ROBO2: variants seen among roughly 807,000 people sequenced by gnomAD.
ROBO2 encodes the protein roundabout homolog 2.
A neutral mutation model predicts 160.8 loss-of-function variants in ROBO2; 53 were observed. The ratio of observed to expected loss-of-function variants is 0.33; its 90% CI spans 0.26 to 0.41. The LOEUF (loss-of-function observed/expected upper bound fraction) is 0.41. Ranked by LOEUF, ROBO2 falls within the 10% of genes least tolerant of loss-of-function variation. The pLI is 1.00. For missense variants in ROBO2, 1,577 were observed against 1,722.4 expected (o/e 0.92, Z 1.49); for synonymous variants, 664 against 611.7 (o/e 1.09, Z -1.26).
intron 2 of ROBO2, among the ~76,000 whole-genome samples, chr3:76,809,822 A>G (rs1301067280): frequency 1.3e-5 from 2 of 152,154 alleles, no homozygotes; most frequent in East Asian, 3.9e-4. Flanking sequence ...CATTTTAAAC[A>G]GGAGAAATTT....
intron 2 of ROBO2, among the ~76,000 whole-genome samples, chr3:77,400,292 G>A (rs1322295997): frequency 6.6e-6 from 1 of 152,120 alleles, no homozygotes; most frequent in African/African-American, 2.4e-5. Context: ...CAGACAAACA[G>A]AGCTATTAAA....
At chr3:77,095,898 T>C (rs539868748) in intron 1 of ROBO2, among the ~76,000 whole-genome samples, 28 of 152,158 alleles carry the variant, frequency 1.8e-4, no homozygotes, top group Non-Finnish European at 3.5e-4. Flanking sequence ...CCTATCTAGA[T>C]GCTTTGGATC....
chr3:76,289,147 A>T (rs1708678189), intron 2 of ROBO2, among the ~76,000 whole-genome samples: 1 of 152,088 alleles, frequency 6.6e-6, no homozygotes, highest in Non-Finnish European at 1.5e-5. Context: ...CCACAACCTC[A>T]CCAGCATCTG....
At chr3:76,118,458 T>C (rs567890582) in intron 2 of ROBO2, among the ~76,000 whole-genome samples, 131 of 152,312 alleles carry the variant, frequency 8.6e-4, no homozygotes, top group African/African-American at 3.1e-3. Context: ...TAAGGTCATG[T>C]ACTGTTTCTC....
intron 2 of ROBO2, among the ~76,000 whole-genome samples, chr3:76,007,088 A>G (rs887721318): frequency 7.2e-5 from 11 of 152,130 alleles, no homozygotes; most frequent in Non-Finnish European, 1.5e-4. Context: ...TACATGAAGT[A>G]TGTCAAATGA....
At chr3:77,272,985 G>A (rs932559245) in intron 2 of ROBO2, among the ~76,000 whole-genome samples, 7 of 151,928 alleles carry the variant, frequency 4.6e-5, no homozygotes, top group African/African-American at 1.7e-4. Flanking sequence ...TTTAGATTTA[G>A]GGGCACACAT....
chr3:76,433,080 T>G (rs568008696), intron 2 of ROBO2, among the ~76,000 whole-genome samples: 1 of 152,306 alleles, frequency 6.6e-6, no homozygotes, highest in African/African-American at 2.4e-5. Flanking sequence ...TTTCCATAAT[T>G]AGTAAAATAG....
chr3:77,348,762 C>T (rs538422220), intron 2 of ROBO2, among the ~76,000 whole-genome samples: 3 of 152,256 alleles, frequency 2.0e-5, no homozygotes, highest in South Asian at 4.1e-4. Flanking sequence ...CCTAATCCTG[C>T]CCTTGCCTTC....
At chr3:77,308,092 TTC>T (rs1402197844) in intron 2 of ROBO2, among the ~76,000 whole-genome samples, 2 of 150,104 alleles carry the variant, frequency 1.3e-5, no homozygotes, top group Non-Finnish European at 2.9e-5. Flanking sequence ...AAGGAGATAT[TTC>T]TTTTTTTTTT....
At chr3:76,125,308 A>G (rs2070927999) in intron 2 of ROBO2, among the ~76,000 whole-genome samples, 1 of 152,172 alleles carries the variant, frequency 6.6e-6, no homozygotes, top group Non-Finnish European at 1.5e-5. Context: ...CAGTGAACAC[A>G]TGAGCACATG....
intron 2 of ROBO2, among the ~76,000 whole-genome samples, chr3:77,332,033 T>C (rs1029370265): frequency 3.9e-5 from 6 of 152,108 alleles, no homozygotes; most frequent in Admixed American, 1.3e-4. Flanking sequence ...AGGTTAGATA[T>C]GGTAGTGTTA....
At chr3:77,544,159 G>GA (rs749883359) in intron 6 of ROBO2, among the ~76,000 whole-genome samples, 109 of 140,128 alleles carry the variant, frequency 7.8e-4, no homozygotes, top group African/African-American at 2.8e-3. Context: ...CATTTCTATT[G>GA]AAAAAATGGT....
chr3:76,468,415 T>C (rs2078472520), intron 2 of ROBO2, among the ~76,000 whole-genome samples: 1 of 152,074 alleles, frequency 6.6e-6, no homozygotes, highest in South Asian at 2.1e-4. Flanking sequence ...CACTCTCCAA[T>C]ATTGGAAACG....
intron 2 of ROBO2, among the ~76,000 whole-genome samples, chr3:77,107,054 C>T (rs2072900239): frequency 6.6e-6 from 1 of 152,180 alleles, no homozygotes; most frequent in Non-Finnish European, 1.5e-5. Context: ...ATTTATTTCT[C>T]ATAGTTCTGG....
chr3:76,095,335 C>A (rs952214170), intron 2 of ROBO2, among the ~76,000 whole-genome samples: 12 of 151,594 alleles, frequency 7.9e-5, no homozygotes, highest in African/African-American at 2.9e-4. Flanking sequence ...TTAATGAAGT[C>A]CTGCAGAGAA....
intron 2 of ROBO2, among the ~76,000 whole-genome samples, chr3:76,275,703 A>T (rs976777994): frequency 6.6e-6 from 1 of 152,098 alleles, no homozygotes; most frequent in Non-Finnish European, 1.5e-5. Flanking sequence ...TTCTTTAAAA[A>T]CCTACTTTCT....
chr3:76,030,709 C>T (rs1310972772), intron 2 of ROBO2, among the ~76,000 whole-genome samples: 1 of 152,132 alleles, frequency 6.6e-6, no homozygotes, highest in Non-Finnish European at 1.5e-5. Flanking sequence ...GGCCTCTGTT[C>T]TGTTCCATTG....
intron 2 of ROBO2, among the ~76,000 whole-genome samples, chr3:76,921,048 T>C (rs1238240892): frequency 6.6e-6 from 1 of 152,188 alleles, no homozygotes; most frequent in African/African-American, 2.4e-5. Flanking sequence ...GGGGAAATTA[T>C]TTCAAGCTAC....
chr3:77,477,357 C>G, intron 2 of ROBO2, 57 bp from the exon 3 acceptor site: 1 of 1,575,956 alleles, frequency 6.3e-7, no homozygotes, highest in Non-Finnish European at 8.7e-7. Context: ...CCTTGTACAA[C>G]AAAAAGCCTA....
Sources: gnomAD v4.1 joint callset for allele counts (sites outside exome capture counted in the v4.1 genomes callset) on GRCh38, gnomAD v4.1.1 for gene constraint, MANE v1.5 for transcripts, NCBI Gene and HGNC (gene_info 2026-07-23, HGNC 2026-07-21) for gene names.